HDAC4: variants seen among roughly 807,000 people sequenced by gnomAD.
HDAC4 encodes the protein histone deacetylase 4.
HDAC4 carries 16 observed loss-of-function variants against 135.1 expected under a neutral mutation model. The ratio of observed to expected loss-of-function variants is 0.12; its 90% CI spans 0.08 to 0.18. HDAC4 has a LOEUF of 0.18. Ranked by LOEUF, HDAC4 falls within the 10% of genes least tolerant of loss-of-function variation. HDAC4 has a pLI of 1.00. For synonymous variants in HDAC4, 685 were observed against 653.4 expected (o/e 1.05, Z -0.74); for missense variants, 1,143 against 1,511.8 (o/e 0.76, Z 4.05).
chr2:239,207,720 A>C (rs1448089126), intron 3 of HDAC4, among the ~76,000 whole-genome samples: 1 of 152,242 alleles, frequency 6.6e-6, no homozygotes, highest in African/African-American at 2.4e-5. Context: ...AAATTGAATT[A>C]ATACTTTAAA....
At chr2:239,378,503 T>C (rs1052489928) in intron 1 of HDAC4, among the ~76,000 whole-genome samples, 1 of 152,068 alleles carries the variant, frequency 6.6e-6, no homozygotes, top group Non-Finnish European at 1.5e-5. Flanking sequence ...AGGACCATCG[T>C]ACTGTTGAGG....
At chr2:239,327,934 G>A (rs1037918761) in intron 2 of HDAC4, among the ~76,000 whole-genome samples, 11 of 152,204 alleles carry the variant, frequency 7.2e-5, no homozygotes, top group Non-Finnish European at 1.5e-5. Context: ...ACACCATCCA[G>A]GGGCCTGGGG....
intron 3 of HDAC4, among the ~76,000 whole-genome samples, chr2:239,220,930 A>G (rs1353196026): frequency 2.6e-5 from 4 of 152,102 alleles, no homozygotes; most frequent in African/African-American, 7.2e-5. Context: ...TTCTGTAGCC[A>G]AAAAAAGCCA....
Position 239,190,046 on chromosome 2 carries a change from C to T in HDAC4, c.126G>A (p.Val42=). ...GGTCCATGGGCACTGCCGAGGGGGC[C>T]ACTTGCAGAGGCAGCGCCGTGGCCA... ...VDVATALPLQ[V]APSAVPMDLR... Residue 42 remains valine (V), a synonymous_variant, in exon 4 of 27, where the codon GTG becomes GTA. Coordinates refer to ENST00000543185, the MANE Select transcript of HDAC4 (RefSeq NM_001378414.1). 1 of 1,603,028 alleles carries T rather than the reference C, an allele frequency of 6.2e-7. No homozygotes were observed. The highest frequency in any genetic ancestry group is 8.5e-7 in the Non-Finnish European group (1 of 1,179,324).
chr2:239,110,765 TTGTCTCAGAGGCAAGCCC>T (rs2152796269), intron 14 of HDAC4, among the ~76,000 whole-genome samples: 2 of 152,382 alleles, frequency 1.3e-5, no homozygotes, highest in South Asian at 4.1e-4. Context: ...GCCTCTGTGC[TTGTCTCAGAGGCAAGCCC>T]TGCCAGAAGC....
At chr2:239,159,229 A>T (rs1212171489) in intron 6 of HDAC4, among the ~76,000 whole-genome samples, 1 of 145,698 alleles carries the variant, frequency 6.9e-6, no homozygotes, top group Non-Finnish European at 1.5e-5. Context: ...CCCACATCTC[A>T]CTTTTCACAC....
At chr2:239,152,556 C>T (rs1167107637) in intron 7 of HDAC4, among the ~76,000 whole-genome samples, 4 of 152,258 alleles carry the variant, frequency 2.6e-5, no homozygotes, top group Non-Finnish European at 4.4e-5. Context: ...AGGTCTCTGA[C>T]TCTCAAGCCC....
chr2:239,395,564 C>T (rs554265499), intron 1 of HDAC4, among the ~76,000 whole-genome samples: 4 of 152,168 alleles, frequency 2.6e-5, no homozygotes, highest in African/African-American at 9.7e-5. Flanking sequence ...AAGTAATACA[C>T]GCTTACCAAA....
intron 1 of HDAC4, among the ~76,000 whole-genome samples, chr2:239,359,415 G>A (rs775830798): frequency 3.3e-5 from 5 of 152,228 alleles, no homozygotes; most frequent in East Asian, 1.9e-4. Flanking sequence ...GCCAGAATCC[G>A]GCTGTGTCAT....
At chr2:239,323,011 C>T (rs988729409) in intron 2 of HDAC4, among the ~76,000 whole-genome samples, 3 of 152,210 alleles carry the variant, frequency 2.0e-5, no homozygotes, top group Non-Finnish European at 4.4e-5. Context: ...GGGTGACTCA[C>T]GCATCCCCTT....
At chr2:239,270,527 A>C (rs376343348) in intron 2 of HDAC4, among the ~76,000 whole-genome samples, 2 of 152,226 alleles carry the variant, frequency 1.3e-5, no homozygotes. Flanking sequence ...ATCCAGAATA[A>C]GCTGAAATAG....
intron 1 of HDAC4, among the ~76,000 whole-genome samples, chr2:239,374,434 C>T (rs1008592573): frequency 1.7e-5 from 2 of 117,792 alleles, no homozygotes; most frequent in African/African-American, 3.3e-5. Flanking sequence ...GACGGAGTCT[C>T]GCTCTGTCGC....
chr2:239,317,856 TC>T (rs979106831), intron 2 of HDAC4, among the ~76,000 whole-genome samples: 1 of 152,166 alleles, frequency 6.6e-6, no homozygotes, highest in African/African-American at 2.4e-5. Flanking sequence ...TTGGTTTTAT[TC>T]TGTATTATTT....
intron 1 of HDAC4, among the ~76,000 whole-genome samples, chr2:239,374,177 ACAG>A (rs1694826757): frequency 6.6e-6 from 1 of 152,146 alleles, no homozygotes; most frequent in Non-Finnish European, 1.5e-5. Context: ...CAGCCGGTGA[ACAG>A]CAGAACAAAA....
intron 16 of HDAC4, among the ~76,000 whole-genome samples, chr2:239,100,418 T>G (rs915594621): frequency 1.3e-5 from 2 of 152,258 alleles, no homozygotes; most frequent in African/African-American, 4.8e-5. Flanking sequence ...CTGAACGTTC[T>G]GTGCTTTCCC....
chr2:239,246,098 G>A (rs770248473), intron 2 of HDAC4, among the ~76,000 whole-genome samples: 18 of 152,210 alleles, frequency 1.2e-4, no homozygotes, highest in South Asian at 2.1e-4. Context: ...CTGCTCTCAC[G>A]TGCCAGGCCA....
intron 2 of HDAC4, among the ~76,000 whole-genome samples, chr2:239,259,092 AT>A (rs527289704): frequency 6.6e-6 from 1 of 152,340 alleles, no homozygotes; most frequent in African/African-American, 2.4e-5. Flanking sequence ...GTATCACCCC[AT>A]TTTTTTGAAT....
At chr2:239,280,666 G>A (rs764023937) in intron 2 of HDAC4, among the ~76,000 whole-genome samples, 2 of 152,148 alleles carry the variant, frequency 1.3e-5, no homozygotes, top group African/African-American at 2.4e-5. Context: ...AAGATGCGAC[G>A]CAACATCCTG....
chr2:239,167,414 C>T lies in HDAC4; in HGVS notation c.491-3491G>A, dbSNP rs2043178817. Among the ~76,000 whole-genome samples, 1 of 152,196 alleles carries T rather than the reference C, an allele frequency of 6.6e-6. No individual in the cohort carries two copies. The highest frequency in any genetic ancestry group is 6.5e-5 in the Admixed American group (1 of 15,282). On this transcript the variant is annotated intron_variant, in intron 5 of 26. Transcript: ENST00000543185. This position sits in a 1 kb window ranked among gnomAD's most constrained non-coding sequence, Gnocchi z 4.1. ...GTGCTGGGCATGACTGGCGTTCATG[C>T]CCCATGCAGTGGGGGGCAGACATGA...
Sources: allele counts gnomAD v4.1 joint callset (sites outside exome capture counted in the v4.1 genomes callset), GRCh38; gene constraint gnomAD v4.1.1; non-coding constraint Gnocchi (gnomAD v3.1); transcripts MANE v1.5; gene names NCBI Gene and HGNC (gene_info 2026-07-23, HGNC 2026-07-21).